Variants in EPB41 observed in about 807,000 individuals in gnomAD.
EPB41 encodes protein 4.1.
EPB41 carries 65 observed loss-of-function variants against 108.0 expected under a neutral mutation model. The observed-to-expected ratio is 0.60, with a 90% CI of 0.49 to 0.74. The LOEUF (loss-of-function observed/expected upper bound fraction) is 0.74, where lower values mean the gene tolerates loss of function less well. Ranked by LOEUF, EPB41 falls within the 30% of genes least tolerant of loss-of-function variation. The pLI, the probability that EPB41 is intolerant of heterozygous loss-of-function variation, is 0.00. For synonymous variants in EPB41, 336 were observed against 358.9 expected, an observed-to-expected ratio of 0.94 and a Z score of 0.72; for missense variants, 875 against 1,037.0, an observed-to-expected ratio of 0.84 and a Z score of 2.15.
intron 1 of EPB41, among the ~76,000 whole-genome samples, chr1:28,903,853 G>GT (rs776964978): frequency 8.6e-5 from 13 of 151,052 alleles, no homozygotes; most frequent in East Asian, 3.9e-4. Context: ...CAAAAGTGCA[G>GT]TTTTTTTGTT....
chr1:29,030,009 G>T (rs2096768705), intron 7 of EPB41, among the ~76,000 whole-genome samples: 1 of 152,146 alleles, frequency 6.6e-6, no homozygotes, highest in Admixed American at 6.5e-5. Flanking sequence ...TGCCCTCTGA[G>T]GATTTAATTT....
intron 16 of EPB41, chr1:29,097,089 G>T (rs1269393416): frequency 6.5e-6 from 1 of 152,782 alleles, no homozygotes; most frequent in African/African-American, 2.4e-5. Context: ...AGGATCATAG[G>T]CACTGATTTC....
chr1:28,982,756 T>G, intron 1 of EPB41: 1 of 479,936 alleles, frequency 2.1e-6, no homozygotes, highest in Non-Finnish European at 3.8e-6. Context: ...TGCTCATAAC[T>G]TATACCTGTA....
intron 1 of EPB41, among the ~76,000 whole-genome samples, chr1:28,901,537 T>C (rs1455885804): frequency 6.6e-6 from 1 of 151,276 alleles, no homozygotes; most frequent in African/African-American, 2.4e-5. Context: ...TTTATATTAT[T>C]ATTATTATTA....
chr1:28,924,966 T>A lies in EPB41; in HGVS notation c.-8+10198T>A, dbSNP rs1231865980. ...CACACACCACTATGCCTGGCTAACT[T>A]TTTTTTTTTTTTTTTTTGAGATGGA... On this transcript the variant is annotated intron_variant, in intron 1 of 20. Coordinates refer to ENST00000343067, the MANE Select transcript of EPB41 (RefSeq NM_001376013.1). Among the ~76,000 whole-genome samples the A allele has an allele frequency of 3.1e-4, 44 of 140,620 alleles. 1 individual carries two copies. Among genetic ancestry groups the A allele is most frequent in the East Asian group, 8.3e-4 (4 of 4,836 alleles). The allele number at this position is 140,620 out of a possible 152,430, so 92.3% of individuals were successfully genotyped here.
chr1:28,916,063 T>G (rs1013580042), intron 1 of EPB41, among the ~76,000 whole-genome samples: 5 of 152,208 alleles, frequency 3.3e-5, no homozygotes, highest in African/African-American at 1.2e-4. Context: ...TCATTTTCCT[T>G]TTCTGTAAAT....
intron 1 of EPB41, among the ~76,000 whole-genome samples, chr1:28,906,590 T>C (rs931038276): frequency 6.6e-6 from 1 of 152,098 alleles, no homozygotes; most frequent in Non-Finnish European, 1.5e-5. Flanking sequence ...AGGGCTATTA[T>C]CAGAAGTAGT....
At chr1:29,111,684 T>C (rs902931786) in intron 18 of EPB41, among the ~76,000 whole-genome samples, 24 of 150,344 alleles carry the variant, frequency 1.6e-4, no homozygotes, top group African/African-American at 4.9e-4. Context: ...ATAAAAAAGA[T>C]TGTAGTAATC....
intron 16 of EPB41, chr1:29,072,533 T>G (rs1651944200): frequency 6.6e-6 from 1 of 152,244 alleles, no homozygotes; most frequent in Non-Finnish European, 1.5e-5. Context: ...TATTTCTCTT[T>G]GTATTGGAGT....
chr1:28,950,890 CA>C (rs1381020333), intron 1 of EPB41, among the ~76,000 whole-genome samples: 20 of 152,168 alleles, frequency 1.3e-4, no homozygotes, highest in Admixed American at 1.3e-3. Flanking sequence ...GGCTGGAGTG[CA>C]GTGGTGCAGT....
upstream of EPB41, among the ~76,000 whole-genome samples, chr1:28,911,461 G>A (rs868263343): frequency 7.2e-5 from 11 of 152,286 alleles, 1 homozygote; most frequent in Middle Eastern, 0.017. Context: ...TGCAGAGTAA[G>A]GATTATTAAA....
At chr1:28,931,922 A>G (rs868494322) in intron 1 of EPB41, among the ~76,000 whole-genome samples, 31 of 152,196 alleles carry the variant, frequency 2.0e-4, no homozygotes, top group African/African-American at 6.8e-4. Context: ...GCCAGTACAA[A>G]TGAGGGCCCT....
chr1:29,031,098 C>G (rs1455856590), intron 8 of EPB41, among the ~76,000 whole-genome samples: 3 of 152,162 alleles, frequency 2.0e-5, no homozygotes, highest in Non-Finnish European at 4.4e-5. Flanking sequence ...CGTGAGCCAC[C>G]GTGCCCGGCC....
At chr1:29,095,630 G>A (rs1242978964) in intron 16 of EPB41, among the ~76,000 whole-genome samples, 1 of 152,060 alleles carries the variant, frequency 6.6e-6, no homozygotes, top group East Asian at 1.9e-4. Context: ...ACTTAGCCAG[G>A]TTTTGGTGGA....
At chr1:29,109,655 C>A in intron 18 of EPB41, 1 of 592,978 alleles carries the variant, frequency 1.7e-6, no homozygotes, top group South Asian at 1.9e-5. Flanking sequence ...ACTTAGTAGT[C>A]TCCTAAAGGT....
intron 16 of EPB41, 61 bp from the exon 17 acceptor site, chr1:29,097,746 A>C (rs1056866675): frequency 6.1e-5 from 97 of 1,583,742 alleles, no homozygotes; most frequent in Non-Finnish European, 8.3e-5. Flanking sequence ...TCAGTGTCAG[A>C]AGATTACTTC....
At chr1:28,899,123 CTG>C (rs1167076170) in intron 1 of EPB41, among the ~76,000 whole-genome samples, 1 of 152,212 alleles carries the variant, frequency 6.6e-6, no homozygotes, top group Non-Finnish European at 1.5e-5. Flanking sequence ...TCCAGACCCT[CTG>C]TGCACTGTCT....
At chr1:28,950,825 C>T (rs762815549) in intron 1 of EPB41, among the ~76,000 whole-genome samples, 5 of 152,166 alleles carry the variant, frequency 3.3e-5, no homozygotes, top group Non-Finnish European at 7.4e-5. Flanking sequence ...TGAACAGGCA[C>T]CTAGCAGTTT....
At position 28,887,371 on chromosome 1, in the gene EPB41, C is replaced by T; in HGVS notation, c.-8+161C>T. 3 of 985,398 alleles carry T rather than the reference C, an allele frequency of 3.0e-6. No homozygotes were observed. The highest frequency in any genetic ancestry group is 3.6e-6 in the Non-Finnish European group (3 of 829,910). 61.0% of individuals were successfully genotyped at this position (985,398 alleles called of 1,614,324 possible). A position where few individuals can be genotyped will look rare whatever the true frequency, so the allele number is the denominator to read the frequency against. On this transcript the variant is annotated intron_variant, in intron 1 of 16. Coordinates refer to the EPB41 transcript ENST00000347529. The surrounding 1 kb of genome is among the most constrained non-coding windows in gnomAD (Gnocchi z 4.9). ...TCCAGCGGTCCCGAATTCCAGAATC[C>T]GAACTTGGGGTCCAAAGGAGTCTGG...
Sources: gnomAD v4.1 joint callset for allele counts (sites outside exome capture counted in the v4.1 genomes callset) on GRCh38, gnomAD v4.1.1 for gene constraint, Gnocchi (gnomAD v3.1) non-coding constraint, MANE v1.5 for transcripts, NCBI Gene and HGNC (gene_info 2026-07-23, HGNC 2026-07-21) for gene names.